GPC5: variants seen among roughly 807,000 people sequenced by gnomAD.
GPC5 encodes glypican-5.
GPC5 carries 47 observed loss-of-function variants against 53.9 expected under a neutral mutation model. That is an observed-to-expected ratio of 0.87 (90% CI 0.69 to 1.11). GPC5 has a LOEUF of 1.11. GPC5 is among the 50% of genes most tolerant of loss of function. GPC5 has a pLI of 0.00. For synonymous variants in GPC5, 286 were observed against 263.3 expected (o/e 1.09, Z -0.84); for missense variants, 748 against 713.1 (o/e 1.05, Z -0.56).
chr13:92,136,775 C>G (rs1344877734), intron 6 of GPC5, among the ~76,000 whole-genome samples: 2 of 152,176 alleles, frequency 1.3e-5, no homozygotes, highest in Non-Finnish European at 2.9e-5. Flanking sequence ...GATCTTATTG[C>G]AAGTGTTTGA....
intron 7 of GPC5, among the ~76,000 whole-genome samples, chr13:92,833,810 T>C (rs1305285072): frequency 6.6e-6 from 1 of 152,142 alleles, no homozygotes; most frequent in Non-Finnish European, 1.5e-5. Context: ...GCACAGGGAA[T>C]AGCATGTGAC....
intron 6 of GPC5, among the ~76,000 whole-genome samples, chr13:91,927,112 T>C (rs1356284751): frequency 6.6e-6 from 1 of 152,200 alleles, no homozygotes; most frequent in East Asian, 1.9e-4. Flanking sequence ...GTTATTGATT[T>C]ATTCTAATGA....
chr13:91,820,986 T>TAAAA, intron 5 of GPC5, among the ~76,000 whole-genome samples: 1 of 142,474 alleles, frequency 7.0e-6, no homozygotes, highest in African/African-American at 2.6e-5. Flanking sequence ...ACAAATAAAA[T>TAAAA]AAAAAAAAAA....
intron 2 of GPC5, among the ~76,000 whole-genome samples, chr13:91,665,271 T>G (rs2035080460): frequency 6.6e-6 from 1 of 152,204 alleles, no homozygotes; most frequent in South Asian, 2.1e-4. Context: ...ATTAGGTCAT[T>G]TTATACTTAG....
chr13:91,889,279 T>C (rs1394599034), intron 5 of GPC5, among the ~76,000 whole-genome samples: 1 of 152,140 alleles, frequency 6.6e-6, no homozygotes, highest in African/African-American at 2.4e-5. Flanking sequence ...GTAACTACCA[T>C]CTTACATGAT....
chr13:91,674,430 T>C (rs535243648), intron 2 of GPC5, among the ~76,000 whole-genome samples: 2 of 149,690 alleles, frequency 1.3e-5, no homozygotes, highest in South Asian at 4.5e-4. Context: ...CACATATATA[T>C]ACACATATAT....
intron 7 of GPC5, among the ~76,000 whole-genome samples, chr13:92,182,887 A>G (rs1046412487): frequency 2.7e-5 from 4 of 146,084 alleles, no homozygotes; most frequent in Admixed American, 2.7e-4. Context: ...AAAAAAAAAA[A>G]AAAGTAAACA....
intron 7 of GPC5, among the ~76,000 whole-genome samples, chr13:92,204,327 C>G (rs1340082111): frequency 6.6e-6 from 1 of 152,140 alleles, no homozygotes; most frequent in Admixed American, 6.5e-5. Flanking sequence ...AATTAGAATA[C>G]AAGCTAGAAA....
chr13:92,790,407 G>A (rs1876419409), intron 7 of GPC5, among the ~76,000 whole-genome samples: 1 of 152,132 alleles, frequency 6.6e-6, no homozygotes, highest in Admixed American at 6.6e-5. Flanking sequence ...GGCAACTATG[G>A]TATTGCATTT....
chr13:91,964,269 C>T (rs762732671), intron 6 of GPC5, among the ~76,000 whole-genome samples: 36 of 152,154 alleles, frequency 2.4e-4, no homozygotes, highest in Non-Finnish European at 4.1e-4. Flanking sequence ...AAGAACAAAG[C>T]CTCCAAAGGG....
chr13:91,762,738 C>T (rs1303968672), intron 5 of GPC5, among the ~76,000 whole-genome samples: 1 of 152,090 alleles, frequency 6.6e-6, no homozygotes, highest in Non-Finnish European at 1.5e-5. Flanking sequence ...GATTTGAAGA[C>T]TTCTTCCTCA....
intron 7 of GPC5, among the ~76,000 whole-genome samples, chr13:92,714,920 G>T (rs1033334899): frequency 2.6e-5 from 4 of 152,050 alleles, no homozygotes; most frequent in African/African-American, 9.7e-5. Context: ...ACAAAAATTA[G>T]CCAGGCATGG....
At chr13:91,863,094 C>T (rs957924232) in intron 5 of GPC5, among the ~76,000 whole-genome samples, 19 of 146,016 alleles carry the variant, frequency 1.3e-4, no homozygotes, top group Non-Finnish European at 2.4e-4. Flanking sequence ...TTTTCCCTTT[C>T]CTTTCCTTCT....
intron 7 of GPC5, among the ~76,000 whole-genome samples, chr13:92,810,383 T>G (rs1026783215): frequency 6.6e-5 from 10 of 151,948 alleles, no homozygotes; most frequent in Non-Finnish European, 1.0e-4. Flanking sequence ...AATTTTAATT[T>G]TCTAATTTAT....
At position 92,656,568 on chromosome 13, in the gene GPC5, A is replaced by G. The variant is rs548274709; in HGVS notation, c.1562-209714A>G. 7.2e-5 allele frequency among the ~76,000 whole-genome samples: 11 copies of G among 152,298 alleles called. No individual in the cohort carries two copies. The South Asian group carries it at 1.7e-3, about 23-fold the overall frequency. ...ACAGATTTTCTGTTATTTACATTCAAGTTATTTATATACCCACCCACTCAC... is the reference window on the plus strand; with the variant it reads ...ACAGATTTTCTGTTATTTACATTCAGGTTATTTATATACCCACCCACTCAC... On this transcript the variant is annotated intron_variant, in intron 7 of 7. Coordinates refer to ENST00000377067, the MANE Select transcript of GPC5 (RefSeq NM_004466.6).
At chr13:92,603,723 G>A (rs1455372431) in intron 7 of GPC5, among the ~76,000 whole-genome samples, 1 of 152,198 alleles carries the variant, frequency 6.6e-6, no homozygotes, top group African/African-American at 2.4e-5. Context: ...TACATTTGAA[G>A]TGAGTGGTTA....
chr13:92,467,212 C>G (rs1050424603), intron 7 of GPC5, among the ~76,000 whole-genome samples: 6 of 152,046 alleles, frequency 3.9e-5, no homozygotes, highest in African/African-American at 1.4e-4. Context: ...AATATTTCAC[C>G]TTTTTCTTCG....
intron 6 of GPC5, among the ~76,000 whole-genome samples, chr13:92,142,839 G>A (rs953072761): frequency 2.6e-5 from 4 of 152,236 alleles, no homozygotes; most frequent in Admixed American, 6.5e-5. Flanking sequence ...AAAGAATGTC[G>A]AGGTCAAAAG....
chr13:92,821,292 T>C (rs917308791), intron 7 of GPC5, among the ~76,000 whole-genome samples: 1 of 152,180 alleles, frequency 6.6e-6, no homozygotes, highest in African/African-American at 2.4e-5. Context: ...CAGGCAAATA[T>C]TTTATCTGTA....
Sources: allele counts gnomAD v4.1 joint callset (sites outside exome capture counted in the v4.1 genomes callset), GRCh38; gene constraint gnomAD v4.1.1; transcripts MANE v1.5; gene names NCBI Gene and HGNC (gene_info 2026-07-23, HGNC 2026-07-21).